ARHGAP8: variants seen among roughly 807,000 people sequenced by gnomAD.
ARHGAP8 encodes the protein Rho GTPase activating protein 8.
Under a neutral mutation model 46.1 loss-of-function variants are expected in ARHGAP8, and 62 were observed. That is an observed-to-expected ratio of 1.34 (90% CI 1.10 to 1.66). The LOEUF is 1.66. Among genes scored for constraint, ARHGAP8 ranks in the 40% most tolerant of loss-of-function variants. ARHGAP8 has a pLI of 0.00. For missense variants in ARHGAP8, 923 were observed against 568.4 expected, an observed-to-expected ratio of 1.62 and a Z score of -6.34; for synonymous variants, 375 against 243.1, an observed-to-expected ratio of 1.54 and a Z score of -5.05.
chr22:44,821,503 G>A (rs1460499516), intron 5 of ARHGAP8, among the ~76,000 whole-genome samples: 2 of 152,066 alleles, frequency 1.3e-5, no homozygotes, highest in African/African-American at 2.4e-5. Flanking sequence ...AAACTCAAAT[G>A]ATATATTTAT....
At chr22:44,827,336 GT>G (rs796490147) in intron 7 of ARHGAP8, among the ~76,000 whole-genome samples, 17 of 67,262 alleles carry the variant, frequency 2.5e-4, no homozygotes, top group East Asian at 1.0e-3. Flanking sequence ...TTGGGTGGTG[GT>G]TTTTTTTTTT....
intron 10 of ARHGAP8, among the ~76,000 whole-genome samples, chr22:44,859,347 G>C (rs181089761): frequency 6.7e-6 from 1 of 149,004 alleles, no homozygotes; most frequent in Non-Finnish European, 1.5e-5. Context: ...AAAGCATGTG[G>C]CACCTCTGTC....
chr22:44,819,598 G>A (rs1466476755), intron 5 of ARHGAP8, among the ~76,000 whole-genome samples: 6 of 152,240 alleles, frequency 3.9e-5, no homozygotes, highest in South Asian at 2.1e-4. Flanking sequence ...GCTTGAACCC[G>A]GGAGACGGAG....
At chr22:44,756,025 C>T (rs1924643361) in intron 1 of ARHGAP8, among the ~76,000 whole-genome samples, 1 of 152,168 alleles carries the variant, frequency 6.6e-6, no homozygotes, top group Non-Finnish European at 1.5e-5. Context: ...GTCTCCTGAC[C>T]TTGGGGGAAG....
chr22:44,814,825 G>A (rs538512230), intron 5 of ARHGAP8, 67 bp downstream of exon 5: 130 of 1,565,862 alleles, frequency 8.3e-5, no homozygotes, highest in Admixed American at 1.8e-4. Flanking sequence ...TCCATGGGAC[G>A]GCCTTCCCTA....
At chr22:44,826,442 G>A (rs543075017) in intron 7 of ARHGAP8, among the ~76,000 whole-genome samples, 26 of 151,992 alleles carry the variant, frequency 1.7e-4, no homozygotes, top group Non-Finnish European at 3.5e-4. Flanking sequence ...TTGGGGTGGC[G>A]GGAACAGAGT....
chr22:44,848,954 C>CT lies in ARHGAP8; in HGVS notation c.772dup (p.Tyr258LeufsTer84), dbSNP rs763796467. On this transcript the variant is annotated frameshift_variant, in exon 10 of 12. Coordinates refer to ENST00000356099, the MANE Select transcript of ARHGAP8 (RefSeq NM_181335.3). LOFTEE classifies it high-confidence loss of function. ...CAGGGAAGCCCGTGAACTTTGACGA[C>CT]TACGGGGACATTCACATCCCTGCCG... 9.3e-6 allele frequency: 15 copies of CT among 1,614,010 alleles called. No homozygotes were observed. The highest frequency in any genetic ancestry group is 1.7e-5 in the Admixed American group (1 of 60,002).
In ARHGAP8 at chr22:44,855,489, A is replaced by T. The variant is rs117221961; in HGVS notation, c.878-4242A>T. Reference sequence around the variant, plus strand: ...CACAAACCAAGATCTTATAACTTTCATACATAGTTTCATACAAGTTAAGAT... The same window carrying T: ...CACAAACCAAGATCTTATAACTTTCTTACATAGTTTCATACAAGTTAAGAT... On this transcript the variant is annotated intron_variant, in intron 10 of 11. Coordinates refer to ENST00000356099, the MANE Select transcript of ARHGAP8 (RefSeq NM_181335.3). Among the ~76,000 whole-genome samples, 362 of 152,326 alleles carry T rather than the reference A, an allele frequency of 2.4e-3. 6 individuals carry two copies. The East Asian group carries it at 0.039, about 16-fold the overall frequency.
At chr22:44,790,545 A>T (rs140266585) in intron 2 of ARHGAP8, among the ~76,000 whole-genome samples, 202 of 151,756 alleles carry the variant, frequency 1.3e-3, no homozygotes, top group Middle Eastern at 6.8e-3. Flanking sequence ...GTGTGGTGGC[A>T]CATATCTGTA....
chr22:44,845,058 C>A (rs1174319499), intron 7 of ARHGAP8, among the ~76,000 whole-genome samples: 1 of 152,148 alleles, frequency 6.6e-6, no homozygotes, highest in African/African-American at 2.4e-5. Flanking sequence ...CATAAATATC[C>A]CTTTCATGGA....
At chr22:44,861,434 G>C (rs570399569) in intron 11 of ARHGAP8, among the ~76,000 whole-genome samples, 215 of 152,304 alleles carry the variant, frequency 1.4e-3, no homozygotes, top group African/African-American at 5.0e-3. Flanking sequence ...GGCCTGGCTG[G>C]TGCACACCTG....
chr22:44,784,383 G>A (rs941321951), intron 1 of ARHGAP8, among the ~76,000 whole-genome samples: 3 of 152,184 alleles, frequency 2.0e-5, no homozygotes, highest in Non-Finnish European at 2.9e-5. Flanking sequence ...CAGCCTGGGC[G>A]AGGGAGTGAG....
intron 1 of ARHGAP8, among the ~76,000 whole-genome samples, chr22:44,776,539 A>G (rs893383659): frequency 3.3e-5 from 5 of 152,204 alleles, no homozygotes; most frequent in African/African-American, 1.2e-4. Context: ...GTGGTAAGCA[A>G]CATCTCCTGA....
In ARHGAP8 at chr22:44,825,573, G is replaced by A; in HGVS notation, c.576G>A (p.Gln192=). The A allele has an allele frequency of 6.2e-7, 1 of 1,613,316 alleles. No individual in the cohort carries two copies. The highest frequency in any genetic ancestry group is 8.5e-7 in the Non-Finnish European group (1 of 1,179,812). ...CGCGGCCCCCGCTGCCCACACAGCA[G>A]TTTGGCGTCAGTCTGCAATAGTAAG... ...PPPRPPLPTQ[Q]FGVSLQYLKD... is the part of the protein sequence containing the mutation. The change falls in exon 7 of 12, where the codon CAG becomes CAA. Residue 192 remains glutamine (Q), a synonymous_variant. Transcript: ENST00000356099.
intron 1 of ARHGAP8, among the ~76,000 whole-genome samples, chr22:44,772,905 A>AC (rs1461890652): frequency 1.4e-5 from 2 of 145,062 alleles, no homozygotes; most frequent in African/African-American, 5.2e-5. Context: ...TGCAGCCCTG[A>AC]CCTCCTGGGT....
At chr22:44,816,114 C>G (rs570438795) in intron 5 of ARHGAP8, among the ~76,000 whole-genome samples, 43 of 152,260 alleles carry the variant, frequency 2.8e-4, no homozygotes, top group Admixed American at 2.8e-3. Flanking sequence ...TTGCATCTCA[C>G]AGGCCTTTGC....
chr22:44,801,620 G>A (rs1473502676), intron 2 of ARHGAP8, among the ~76,000 whole-genome samples: 2 of 152,234 alleles, frequency 1.3e-5, no homozygotes, highest in African/African-American at 2.4e-5. Flanking sequence ...TCCTGAGAGG[G>A]CTCCTGTACC....
intron 3 of ARHGAP8, among the ~76,000 whole-genome samples, chr22:44,802,812 G>A (rs1351764084): frequency 6.6e-6 from 1 of 152,092 alleles, no homozygotes; most frequent in Non-Finnish European, 1.5e-5. Context: ...TTGCCTCTGT[G>A]TCTTCCCATC....
chr22:44,797,794 G>C (rs1159389185), intron 2 of ARHGAP8, among the ~76,000 whole-genome samples: 2 of 152,026 alleles, frequency 1.3e-5, no homozygotes, highest in Admixed American at 1.3e-4. Flanking sequence ...GTGAGTACGT[G>C]TGTGCACGCA....
Sources: allele counts gnomAD v4.1 joint callset (sites outside exome capture counted in the v4.1 genomes callset), GRCh38; gene constraint gnomAD v4.1.1; transcripts MANE v1.5; gene names NCBI Gene and HGNC (gene_info 2026-07-23, HGNC 2026-07-21).